CALCR: variants seen among roughly 807,000 people sequenced by gnomAD.
CALCR encodes calcitonin receptor.
A neutral mutation model predicts 59.5 loss-of-function variants in CALCR; 47 were observed. The observed-to-expected ratio is 0.79, with a 90% CI of 0.63 to 1.01. The LOEUF (loss-of-function observed/expected upper bound fraction) is 1.01, where lower values mean the gene tolerates loss of function less well. Among genes scored for constraint, CALCR ranks in the 50% least tolerant of loss-of-function variants. CALCR has a pLI of 0.00. For missense variants in CALCR, 566 were observed against 597.1 expected (o/e 0.95, Z 0.54); for synonymous variants, 213 against 211.3 (o/e 1.01, Z -0.07).
chr7:93,550,598 A>AACACAC (rs201729250), intron 2 of CALCR, among the ~76,000 whole-genome samples: 11,071 of 121,806 alleles, frequency 0.091, 541 homozygotes, highest in Non-Finnish European at 0.11. Flanking sequence ...ATTTGGGCTA[A>AACACAC]ACACACACAC....
intron 2 of CALCR, among the ~76,000 whole-genome samples, chr7:93,530,500 T>C (rs1365161257): frequency 6.6e-6 from 1 of 152,142 alleles, no homozygotes; most frequent in Non-Finnish European, 1.5e-5. Context: ...TATAATTTCC[T>C]TTACATAAAA....
At chr7:93,484,907 G>T (rs1800907414) in intron 3 of CALCR, among the ~76,000 whole-genome samples, 1 of 151,626 alleles carries the variant, frequency 6.6e-6, no homozygotes, top group South Asian at 2.1e-4. Flanking sequence ...TTGAGTGGGT[G>T]GTTATGGTTA....
chr7:93,549,038 G>A (rs953424057), intron 2 of CALCR, among the ~76,000 whole-genome samples: 1 of 151,966 alleles, frequency 6.6e-6, no homozygotes, highest in African/African-American at 2.4e-5. Context: ...CCTTATTTTT[G>A]GGAAGGGAAA....
chr7:93,556,248 C>T (rs1789602223), intron 2 of CALCR, among the ~76,000 whole-genome samples: 1 of 152,124 alleles, frequency 6.6e-6, no homozygotes, highest in Non-Finnish European at 1.5e-5. Context: ...GGCATGAAAG[C>T]AAAGCCTGAC....
At chr7:93,428,190 TTGAG>T (rs2115651354) in intron 13 of CALCR, among the ~76,000 whole-genome samples, 1 of 152,376 alleles carries the variant, frequency 6.6e-6, no homozygotes, top group Non-Finnish European at 1.5e-5. Context: ...CAGCTGTTTA[TTGAG>T]TGTTTACTAA....
chr7:93,475,542 G>GTT (rs4015274), intron 5 of CALCR, among the ~76,000 whole-genome samples: 58,640 of 149,776 alleles, frequency 0.39, 12,180 homozygotes, highest in South Asian at 0.49. Context: ...GCAGAAAGTA[G>GTT]TTTTTTTTTT....
chr7:93,484,434 T>C (rs948687602), intron 3 of CALCR, among the ~76,000 whole-genome samples: 1 of 151,764 alleles, frequency 6.6e-6, no homozygotes, highest in African/African-American at 2.4e-5. Context: ...GATTGCCACA[T>C]GCAAAACTAC....
At chr7:93,565,189 C>T (rs1204347490) in intron 2 of CALCR, among the ~76,000 whole-genome samples, 1 of 152,240 alleles carries the variant, frequency 6.6e-6, no homozygotes, top group Non-Finnish European at 1.5e-5. Context: ...CTGGAGTTTT[C>T]ATGGCAGAAC....
intron 2 of CALCR, among the ~76,000 whole-genome samples, chr7:93,537,729 CAT>C (rs1554406279): frequency 1.3e-5 from 2 of 151,522 alleles, no homozygotes; most frequent in Admixed American, 6.6e-5. Context: ...CACACACACA[CAT>C]ACATACATAC....
chr7:93,521,035 G>A (rs987217206), intron 2 of CALCR, among the ~76,000 whole-genome samples: 23 of 152,136 alleles, frequency 1.5e-4, no homozygotes, highest in Admixed American at 1.2e-3. Context: ...CTGTGTAGGT[G>A]GCATATTTCC....
chr7:93,512,432 G>A (rs1801565701), intron 2 of CALCR, among the ~76,000 whole-genome samples: 1 of 152,068 alleles, frequency 6.6e-6, no homozygotes, highest in Admixed American at 6.6e-5. Context: ...TTCTCCCAGT[G>A]CCTCAGGATG....
chr7:93,492,093 C>G (rs914014945), intron 2 of CALCR, among the ~76,000 whole-genome samples: 4 of 151,406 alleles, frequency 2.6e-5, no homozygotes, highest in African/African-American at 9.7e-5. Flanking sequence ...GAGCTCATAT[C>G]CCTGCAAAGG....
chr7:93,568,184 T>C (rs1274782576), intron 2 of CALCR, among the ~76,000 whole-genome samples: 2 of 152,146 alleles, frequency 1.3e-5, no homozygotes, highest in Non-Finnish European at 2.9e-5. Flanking sequence ...TGATGTGATA[T>C]GACATCTTTG....
intron 12 of CALCR, 70 bp from the exon 13 acceptor site, chr7:93,434,364 ATAGAC>A: frequency 4.9e-6 from 5 of 1,017,332 alleles, no homozygotes; most frequent in South Asian, 1.3e-5. Context: ...AAACAATATA[ATAGAC>A]TGCCCAGAGA....
intron 8 of CALCR, among the ~76,000 whole-genome samples, chr7:93,459,382 C>G (rs1800272282): frequency 1.3e-5 from 2 of 152,138 alleles, no homozygotes; most frequent in Admixed American, 1.3e-4. Flanking sequence ...CCTTTTTATC[C>G]TCAAGTTTCT....
Position 93,426,390 on chromosome 7 carries a change from G to A in CALCR, c.1391C>T (p.Pro464Leu), listed in dbSNP as rs1477045795. 2 of 1,611,712 alleles carry A rather than the reference G, an allele frequency of 1.2e-6. No individual in the cohort carries two copies. The highest frequency in any genetic ancestry group is 2.2e-5 in the East Asian group (1 of 44,834). The stretch of plus-strand genomic sequence containing the variant: ...TGACTCTTGCTCTATGATATTCAAA[G>A]GGATGATCTCAGCACTCTCCTCGCC... The part of the protein sequence containing the change: ...NQGEESAEII[P>L]LNIIEQESSA The change falls in exon 14 of 14, where the codon CCT becomes CTT. Residue 464 changes from proline to leucine, a missense_variant. Coordinates refer to ENST00000426151, the MANE Select transcript of CALCR (RefSeq NM_001742.4).
chr7:93,453,307 TG>T (rs1481348311), intron 8 of CALCR, among the ~76,000 whole-genome samples: 6 of 152,096 alleles, frequency 3.9e-5, no homozygotes, highest in Non-Finnish European at 5.9e-5. Context: ...GGTACTATTA[TG>T]ATCTCCATTT....
At chr7:93,540,181 G>A (rs1173139660) in intron 2 of CALCR, among the ~76,000 whole-genome samples, 1 of 152,180 alleles carries the variant, frequency 6.6e-6, no homozygotes, top group Admixed American at 6.5e-5. Flanking sequence ...TTGAAAAGCA[G>A]GTAATTCAAT....
intron 5 of CALCR, among the ~76,000 whole-genome samples, chr7:93,473,333 T>C (rs1010254718): frequency 3.3e-5 from 5 of 151,794 alleles, no homozygotes; most frequent in African/African-American, 1.2e-4. Flanking sequence ...TAAGTAAATT[T>C]CCCTTCCATA....
Sources: gnomAD v4.1 joint callset for allele counts (sites outside exome capture counted in the v4.1 genomes callset) on GRCh38, gnomAD v4.1.1 for gene constraint, MANE v1.5 for transcripts, NCBI Gene and HGNC (gene_info 2026-07-23, HGNC 2026-07-21) for gene names.